The following PTGER3 variants were observed in gnomAD, a reference collection of about 807,000 sequenced individuals.
PTGER3 encodes prostaglandin E2 receptor EP3 subtype.
In PTGER3, 22 loss-of-function variants were observed where a neutral mutation model predicts 34.7. That is an observed-to-expected ratio of 0.63 (90% CI 0.45 to 0.91). The LOEUF is 0.91. PTGER3 is among the 40% of genes least tolerant of loss of function. The pLI is 0.00. For synonymous variants in PTGER3, 241 were observed against 230.1 expected, an observed-to-expected ratio of 1.05 and a Z score of -0.43; for missense variants, 468 against 519.4, an observed-to-expected ratio of 0.90 and a Z score of 0.96.
chr1:70,854,154 T>C (rs1645747976), intron 4 of PTGER3, among the ~76,000 whole-genome samples: 1 of 151,988 alleles, frequency 6.6e-6, no homozygotes. Flanking sequence ...CTTTTGCACA[T>C]GAAAGGAAGC....
At position 71,036,656 on chromosome 1, in the gene PTGER3, C is replaced by T. The variant is rs548756308; in HGVS notation, c.897+10025G>A. ...GAGATCGAGACCATCCTGGCTAACACGGTGAAACCCCGTCTCTACCAAAAA... is the reference window on the plus strand; with the variant it reads ...GAGATCGAGACCATCCTGGCTAACATGGTGAAACCCCGTCTCTACCAAAAA... On this transcript the variant is annotated intron_variant, in intron 1 of 3. Transcript: ENST00000306666. 5.9e-5 allele frequency among the ~76,000 whole-genome samples: 9 copies of T among 152,112 alleles called. No homozygotes were observed. In the East Asian group the frequency reaches 1.2e-3, roughly 20 times the overall value.
At chr1:71,003,328 C>T (rs1656657309) in intron 2 of PTGER3, among the ~76,000 whole-genome samples, 1 of 152,168 alleles carries the variant, frequency 6.6e-6, no homozygotes, top group Non-Finnish European at 1.5e-5. Context: ...ACATATATAT[C>T]CTAGTATCAT....
intron 2 of PTGER3, among the ~76,000 whole-genome samples, chr1:70,975,866 C>G (rs1415988387): frequency 6.6e-6 from 1 of 151,984 alleles, no homozygotes; most frequent in East Asian, 1.9e-4. Context: ...CTTTCAAAGC[C>G]CCCTTTGTAC....
intron 2 of PTGER3, among the ~76,000 whole-genome samples, chr1:70,980,044 AG>A (rs3216530): frequency 0.61 from 92,825 of 151,904 alleles, 28,579 homozygotes; most frequent in Middle Eastern, 0.65. Flanking sequence ...AAAGTAATTG[AG>A]GGGAGTTGAG....
intron 2 of PTGER3, chr1:71,010,163 GA>G (rs539641394): frequency 2.2e-4 from 220 of 984,896 alleles, no homozygotes; most frequent in Non-Finnish European, 2.6e-4. Flanking sequence ...GCAGTTTGAT[GA>G]AAAGTGATAT....
intron 1 of PTGER3, among the ~76,000 whole-genome samples, chr1:71,035,694 C>T (rs1659757935): frequency 6.6e-6 from 1 of 152,212 alleles, no homozygotes; most frequent in Non-Finnish European, 1.5e-5. Flanking sequence ...AATCTAAACT[C>T]CCAAACAAAA....
Position 70,971,177 on chromosome 1 carries a change from A to T in PTGER3, c.*553T>A, listed in dbSNP as rs1323451039. ...CATGCTAAGCCCACAGGGACACAAC[A>T]TCTCTAAAACATTAATCATAATTGG... On this transcript the variant is annotated 3_prime_UTR_variant, in exon 4 of 4. Transcript: ENST00000306666. The T allele has an allele frequency of 2.0e-6, 2 of 985,416 alleles. No individual in the cohort carries two copies. Among genetic ancestry groups the T allele is most frequent in the Non-Finnish European group, 2.4e-6 (2 of 829,928 alleles). The allele number at this position is 985,416 out of a possible 1,614,324, so 61.0% of individuals were successfully genotyped here. A position where few individuals can be genotyped will look rare whatever the true frequency, so the allele number is the denominator to read the frequency against.
intron 1 of PTGER3, among the ~76,000 whole-genome samples, chr1:71,018,099 C>A (rs1658074245): frequency 6.6e-6 from 1 of 151,944 alleles, no homozygotes; most frequent in Non-Finnish European, 1.5e-5. Flanking sequence ...CTCAGGTGGA[C>A]TAATACAGCC....
At chr1:71,010,640 C>A in intron 2 of PTGER3, 1 of 984,282 alleles carries the variant, frequency 1.0e-6, no homozygotes. Flanking sequence ...GTCTTATACC[C>A]AATGAGATGA....
chr1:70,870,113 C>A (rs1646130730), intron 4 of PTGER3, among the ~76,000 whole-genome samples: 1 of 152,168 alleles, frequency 6.6e-6, no homozygotes, highest in Non-Finnish European at 1.5e-5. Flanking sequence ...GGGTGCCAAG[C>A]CTCCACCACT....
intron 4 of PTGER3, among the ~76,000 whole-genome samples, chr1:70,921,324 G>T (rs1399654486): frequency 3.9e-5 from 6 of 152,074 alleles, no homozygotes; most frequent in African/African-American, 7.2e-5. Flanking sequence ...GCAAAGGGTG[G>T]GTCTTCCTGG....
At chr1:71,024,624 C>T (rs915793052) in intron 1 of PTGER3, among the ~76,000 whole-genome samples, 5 of 147,356 alleles carry the variant, frequency 3.4e-5, no homozygotes, top group East Asian at 2.0e-4. Context: ...ACAAATCTAC[C>T]GACATTCTAT....
At position 71,047,170 on chromosome 1, in the gene PTGER3, G is replaced by A. The variant is rs1191135929; in HGVS notation, c.408C>T (p.Thr136=). 3.1e-6 allele frequency: 5 copies of A among 1,600,264 alleles called. No homozygotes were observed. Among genetic ancestry groups the A allele is most frequent in the Non-Finnish European group, 1.7e-6 (2 of 1,173,740 alleles). The change falls in exon 1 of 4, where the codon ACC becomes ACT. Residue 136 remains threonine (T), a synonymous_variant. Transcript: ENST00000306666. ...SGRLCTFFGL[T]MTVFGLSSLF... is the part of the protein sequence containing the mutation. ...ACGAGGAGAGCCCGAAAACAGTCAT[G>A]GTCAGCCCGAAAAAGGTGCAGAGCC... is the stretch of plus-strand genomic sequence containing the variant.
At chr1:71,010,139 C>T (rs2100848402) in intron 2 of PTGER3, 11 of 984,920 alleles carry the variant, frequency 1.1e-5, no homozygotes, top group Non-Finnish European at 1.3e-5. Flanking sequence ...GGTTTTTTGC[C>T]TTTCTGTATT....
At chr1:70,889,949 A>G (rs1646581015) in intron 4 of PTGER3, among the ~76,000 whole-genome samples, 1 of 152,102 alleles carries the variant, frequency 6.6e-6, no homozygotes, top group African/African-American at 2.4e-5. Context: ...TTCATCTCCA[A>G]ATGTTACTCT....
intron 4 of PTGER3, among the ~76,000 whole-genome samples, chr1:70,875,749 G>C (rs1398952464): frequency 6.6e-6 from 1 of 152,110 alleles, no homozygotes; most frequent in Non-Finnish European, 1.5e-5. Flanking sequence ...GCATTAGTTT[G>C]CTTAGGATTA....
chr1:71,045,737 C>G (rs1477406764), intron 1 of PTGER3, among the ~76,000 whole-genome samples: 1 of 152,062 alleles, frequency 6.6e-6, no homozygotes, highest in Non-Finnish European at 1.5e-5. Context: ...TTGAGTGCTA[C>G]AAGGGTAAGT....
At chr1:70,942,585 T>G (rs1005062036) in intron 4 of PTGER3, among the ~76,000 whole-genome samples, 1 of 152,256 alleles carries the variant, frequency 6.6e-6, no homozygotes, top group Admixed American at 6.5e-5. Flanking sequence ...TCTTTAAGAC[T>G]GGGTCAAGCA....
At chr1:70,887,585 C>A (rs1439768888) in intron 4 of PTGER3, among the ~76,000 whole-genome samples, 1 of 151,810 alleles carries the variant, frequency 6.6e-6, no homozygotes, top group East Asian at 1.9e-4. Flanking sequence ...ATTCTAGGTT[C>A]TAATATGATA....
Sources: gnomAD v4.1 joint callset for allele counts (sites outside exome capture counted in the v4.1 genomes callset) on GRCh38, gnomAD v4.1.1 for gene constraint, MANE v1.5 for transcripts, NCBI Gene and HGNC (gene_info 2026-07-23, HGNC 2026-07-21) for gene names.